The following ZNF804A variants were observed in gnomAD, a reference collection of about 807,000 sequenced individuals.
The protein encoded by ZNF804A is zinc finger protein 804A.
Under a neutral mutation model 16.5 loss-of-function variants are expected in ZNF804A, and 2 were observed. The observed-to-expected ratio is 0.12, with a 90% CI of 0.05 to 0.38. The LOEUF is 0.38. Ranked by LOEUF, ZNF804A falls within the 10% of genes least tolerant of loss-of-function variation. ZNF804A has a pLI of 0.99. For synonymous variants in ZNF804A, 534 were observed against 489.6 expected, an observed-to-expected ratio of 1.09 and a Z score of -1.20; for missense variants, 1,473 against 1,390.7, an observed-to-expected ratio of 1.06 and a Z score of -0.94.
intron 1 of ZNF804A, among the ~76,000 whole-genome samples, chr2:184,731,566 T>TTTC (rs201351349): frequency 1.0e-5 from 1 of 95,268 alleles, no homozygotes; most frequent in African/African-American, 7.5e-5. Context: ...CTTTAACGCT[T>TTTC]TTTTTTTTTT....
intron 1 of ZNF804A, among the ~76,000 whole-genome samples, chr2:184,781,326 T>C (rs1200267216): frequency 6.6e-6 from 1 of 151,772 alleles, no homozygotes; most frequent in Non-Finnish European, 1.5e-5. Flanking sequence ...GATGGCTTAT[T>C]TGGGCAATAA....
chr2:184,869,004 T>C (rs760115487), intron 2 of ZNF804A, among the ~76,000 whole-genome samples: 28 of 152,018 alleles, frequency 1.8e-4, no homozygotes, highest in Non-Finnish European at 3.2e-4. Flanking sequence ...CAAAATGCTC[T>C]AAAGTTTGAA....
chr2:184,623,703 A>G (rs912529164), intron 1 of ZNF804A, among the ~76,000 whole-genome samples: 29 of 152,146 alleles, frequency 1.9e-4, no homozygotes, highest in African/African-American at 7.0e-4. Flanking sequence ...TTGGAGCATG[A>G]TTGCCATTGC....
At chr2:184,775,680 A>G (rs1694275021) in intron 1 of ZNF804A, among the ~76,000 whole-genome samples, 2 of 151,714 alleles carry the variant, frequency 1.3e-5, no homozygotes, top group Non-Finnish European at 2.9e-5. Flanking sequence ...GCAATTTCCC[A>G]TATTTTAATT....
intron 1 of ZNF804A, among the ~76,000 whole-genome samples, chr2:184,823,499 T>C (rs1464247487): frequency 2.0e-5 from 3 of 152,166 alleles, no homozygotes; most frequent in Non-Finnish European, 2.9e-5. Flanking sequence ...CCCAGAACTA[T>C]TGACATACAG....
intron 1 of ZNF804A, among the ~76,000 whole-genome samples, chr2:184,810,040 C>T (rs1574222901): frequency 6.6e-6 from 1 of 152,244 alleles, no homozygotes; most frequent in East Asian, 1.9e-4. Context: ...AGGTTTTTGT[C>T]TGCAGATTAT....
chr2:184,875,711 T>C (rs1296439375), intron 2 of ZNF804A, among the ~76,000 whole-genome samples: 1 of 146,822 alleles, frequency 6.8e-6, no homozygotes, highest in Non-Finnish European at 1.5e-5. Context: ...TATAACAAGA[T>C]AATTAAAATA....
At chr2:184,683,469 T>C (rs1242239740) in intron 1 of ZNF804A, among the ~76,000 whole-genome samples, 2 of 152,210 alleles carry the variant, frequency 1.3e-5, no homozygotes, top group Non-Finnish European at 2.9e-5. Context: ...TGCAAGTGTT[T>C]TGACTTGCTT....
In ZNF804A at chr2:184,665,484, T is replaced by A. The variant is rs538646083; in HGVS notation, c.111+66414T>A. On this transcript the variant is annotated intron_variant, in intron 1 of 3. Transcript: ENST00000302277. ...TAATTGAGTTACCATATTAGTTTTC[T>A]CTTGCTGTACAACAAAATACTACAC... 5.3e-5 allele frequency among the ~76,000 whole-genome samples: 8 copies of A among 152,350 alleles called. No homozygotes were observed. The South Asian group carries it at 1.7e-3, about 32-fold the overall frequency.
intron 1 of ZNF804A, among the ~76,000 whole-genome samples, chr2:184,689,851 G>T (rs1394483134): frequency 1.3e-5 from 2 of 151,926 alleles, no homozygotes; most frequent in African/African-American, 4.8e-5. Flanking sequence ...GACCTATGGT[G>T]CAAACTCCAT....
At chr2:184,857,069 T>A (rs1695701112) in intron 1 of ZNF804A, among the ~76,000 whole-genome samples, 1 of 152,178 alleles carries the variant, frequency 6.6e-6, no homozygotes, top group African/African-American at 2.4e-5. Flanking sequence ...TTATGTTGTT[T>A]ATTTGACATC....
At chr2:184,899,160 A>G (rs1298920312) in intron 2 of ZNF804A, among the ~76,000 whole-genome samples, 1 of 151,912 alleles carries the variant, frequency 6.6e-6, no homozygotes, top group Non-Finnish European at 1.5e-5. Context: ...TCTGTTTTCT[A>G]TTCTAATTAG....
At chr2:184,801,379 T>G (rs758394869) in intron 1 of ZNF804A, among the ~76,000 whole-genome samples, 1 of 152,208 alleles carries the variant, frequency 6.6e-6, no homozygotes, top group Non-Finnish European at 1.5e-5. Flanking sequence ...TTGTAGTATT[T>G]CTTCCATTCT....
intron 1 of ZNF804A, among the ~76,000 whole-genome samples, chr2:184,823,320 CTCCAGTTCT>C (rs1388265337): frequency 1.3e-5 from 2 of 152,064 alleles, no homozygotes; most frequent in African/African-American, 4.8e-5. Flanking sequence ...CTCCTAAGAA[CTCCAGTTCT>C]TAATACTGTT....
chr2:184,811,365 A>C (rs191496695), intron 1 of ZNF804A, among the ~76,000 whole-genome samples: 13 of 152,300 alleles, frequency 8.5e-5, no homozygotes, highest in Admixed American at 4.6e-4. Context: ...ATTCATTAGT[A>C]AATTGAATCA....
intron 1 of ZNF804A, among the ~76,000 whole-genome samples, chr2:184,656,464 G>A (rs1376515992): frequency 1.3e-5 from 2 of 152,068 alleles, no homozygotes; most frequent in Non-Finnish European, 2.9e-5. Flanking sequence ...CTTCTATGAA[G>A]AAATTAAGCA....
intron 1 of ZNF804A, among the ~76,000 whole-genome samples, chr2:184,816,484 C>T (rs1423637010): frequency 6.6e-6 from 1 of 152,014 alleles, no homozygotes; most frequent in East Asian, 1.9e-4. Flanking sequence ...AAAGTTCTAA[C>T]TCTTAAGCTC....
Position 184,829,778 on chromosome 2 carries a change from T to C in ZNF804A, c.112-36591T>C, listed in dbSNP as rs1384258986. 2.0e-5 allele frequency among the ~76,000 whole-genome samples: 3 copies of C among 149,734 alleles called. No individual in the cohort carries two copies. In the East Asian group the frequency reaches 5.9e-4, roughly 29 times the overall value. ...TTTTAAAACTTATAAAATAAGAAAA[T>C]AGGCTGGGTGTAGTGGCTCATGCCT... On this transcript the variant is annotated intron_variant, in intron 1 of 3. Transcript: ENST00000302277.
rs188708517 is a variant in ZNF804A at position 184,668,907 on chromosome 2, G to A, written c.111+69837G>A. ...GCCTAGAGACTACATTGTGAGATCT[G>A]CTATTTAAGTTTCTTTCTTGGTCAG... is the stretch of plus-strand genomic sequence containing the variant. On this transcript the variant is annotated intron_variant, in intron 1 of 3. Transcript: ENST00000302277. 1.2e-3 allele frequency among the ~76,000 whole-genome samples: 185 copies of A among 152,040 alleles called. 1 individual carries two copies. Among genetic ancestry groups the A allele is most frequent in the Middle Eastern group, 6.8e-3 (2 of 294 alleles).
Sources: allele counts gnomAD v4.1 joint callset (sites outside exome capture counted in the v4.1 genomes callset), GRCh38; gene constraint gnomAD v4.1.1; transcripts MANE v1.5; gene names NCBI Gene and HGNC (gene_info 2026-07-23, HGNC 2026-07-21).